Variants in NPAS3 observed in about 807,000 individuals in gnomAD.
The protein encoded by NPAS3 is neuronal PAS domain-containing protein 3.
Under a neutral mutation model 73.1 loss-of-function variants are expected in NPAS3, and 14 were observed. The observed-to-expected ratio is 0.19, with a 90% CI of 0.13 to 0.30. The LOEUF is 0.30. Ranked by LOEUF, NPAS3 falls within the 10% of genes least tolerant of loss-of-function variation. The pLI is 1.00. For synonymous variants in NPAS3, 620 were observed against 541.5 expected, an observed-to-expected ratio of 1.14 and a Z score of -2.01; for missense variants, 1,096 against 1,250.0, an observed-to-expected ratio of 0.88 and a Z score of 1.86.
intron 6 of NPAS3, among the ~76,000 whole-genome samples, chr14:33,716,661 CT>C (rs1446549507): frequency 6.6e-6 from 1 of 152,100 alleles, no homozygotes; most frequent in Non-Finnish European, 1.5e-5. Context: ...AATCTTTATT[CT>C]ACTTTCTTCC....
intron 4 of NPAS3, among the ~76,000 whole-genome samples, chr14:33,530,523 T>C (rs1237477567): frequency 6.6e-6 from 1 of 152,148 alleles, no homozygotes; most frequent in African/African-American, 2.4e-5. Flanking sequence ...TGGGCATTTT[T>C]GTATTTCAAA....
intron 7 of NPAS3, among the ~76,000 whole-genome samples, chr14:33,744,779 G>A (rs2061745686): frequency 6.6e-6 from 1 of 151,784 alleles, no homozygotes; most frequent in Admixed American, 6.6e-5. Flanking sequence ...AACAGAGTGA[G>A]ACCCCATCCC....
intron 2 of NPAS3, among the ~76,000 whole-genome samples, chr14:33,195,709 C>G (rs948080933): frequency 6.6e-6 from 1 of 152,188 alleles, no homozygotes; most frequent in African/African-American, 2.4e-5. Context: ...TCTAGGCTTT[C>G]CTTTCAAAGC....
intron 4 of NPAS3, among the ~76,000 whole-genome samples, chr14:33,478,968 A>G (rs553679221): frequency 3.3e-5 from 5 of 152,162 alleles, no homozygotes; most frequent in South Asian, 2.1e-4. Context: ...TTCATTGGCC[A>G]TAGTTATCAG....
intron 4 of NPAS3, among the ~76,000 whole-genome samples, chr14:33,446,454 C>T (rs1483016227): frequency 2.0e-5 from 3 of 152,222 alleles, no homozygotes; most frequent in Admixed American, 6.5e-5. Flanking sequence ...GGATTACAGG[C>T]GTGAGCCACC....
intron 1 of NPAS3, among the ~76,000 whole-genome samples, chr14:32,969,652 C>T (rs540504223): frequency 4.7e-4 from 71 of 152,252 alleles, no homozygotes; most frequent in African/African-American, 1.7e-3. Flanking sequence ...ACTAGAAGTA[C>T]TAGATTAGAA....
intron 1 of NPAS3, among the ~76,000 whole-genome samples, chr14:32,957,977 C>A (rs185588859): frequency 5.8e-4 from 88 of 152,136 alleles, no homozygotes; most frequent in African/African-American, 2.0e-3. Flanking sequence ...GTCCACCGCT[C>A]CAACTCAGTA....
At chr14:33,270,226 G>C (rs922288725) in intron 3 of NPAS3, among the ~76,000 whole-genome samples, 1 of 152,120 alleles carries the variant, frequency 6.6e-6, no homozygotes, top group East Asian at 1.9e-4. Flanking sequence ...CAGAGACTGA[G>C]AGTAATGCTT....
chr14:33,745,285 C>T (rs147473810), intron 7 of NPAS3, among the ~76,000 whole-genome samples: 9 of 152,116 alleles, frequency 5.9e-5, no homozygotes, highest in African/African-American at 1.7e-4. Context: ...ATGTGAAACA[C>T]GATAAAACAG....
chr14:33,183,320 G>A (rs1372469823), intron 2 of NPAS3, among the ~76,000 whole-genome samples: 2 of 151,788 alleles, frequency 1.3e-5, no homozygotes, highest in East Asian at 1.9e-4. Flanking sequence ...CAGCTACTTG[G>A]GGGGCTGAGG....
chr14:33,029,538 A>C (rs929106085), intron 1 of NPAS3, among the ~76,000 whole-genome samples: 1 of 152,154 alleles, frequency 6.6e-6, no homozygotes, highest in African/African-American at 2.4e-5. Context: ...GGGCTTAAAA[A>C]TATGATGTAT....
chr14:32,976,649 T>G (rs1182784171), intron 1 of NPAS3, among the ~76,000 whole-genome samples: 1 of 152,222 alleles, frequency 6.6e-6, no homozygotes, highest in African/African-American at 2.4e-5. Context: ...CTTAGTTGTT[T>G]TTCATTTAGG....
chr14:33,107,442 G>A (rs940069180), intron 2 of NPAS3, among the ~76,000 whole-genome samples: 10 of 151,690 alleles, frequency 6.6e-5, no homozygotes, highest in Admixed American at 3.9e-4. Flanking sequence ...AGTGTCTGTT[G>A]TTCCCATCTT....
At chr14:33,072,338 C>G (rs1163950895) in intron 2 of NPAS3, among the ~76,000 whole-genome samples, 2 of 152,224 alleles carry the variant, frequency 1.3e-5, no homozygotes, top group Non-Finnish European at 2.9e-5. Flanking sequence ...ATTTAGAAAA[C>G]AACTTCAGTT....
At chr14:33,508,884 C>T (rs1373788137) in intron 4 of NPAS3, among the ~76,000 whole-genome samples, 1 of 151,952 alleles carries the variant, frequency 6.6e-6, no homozygotes, top group African/African-American at 2.4e-5. Context: ...CACCCCTGAG[C>T]CTTCATCCCC....
chr14:33,064,210 C>CA (rs889887935), intron 2 of NPAS3, among the ~76,000 whole-genome samples: 102 of 151,840 alleles, frequency 6.7e-4, no homozygotes, highest in Admixed American at 2.0e-4. Flanking sequence ...TACATATTAT[C>CA]AAAAAAACTT....
intron 3 of NPAS3, among the ~76,000 whole-genome samples, chr14:33,282,762 G>C (rs1219131592): frequency 2.0e-5 from 3 of 152,134 alleles, no homozygotes; most frequent in African/African-American, 7.2e-5. Flanking sequence ...ACTGCAGCTG[G>C]GGGATGGGAA....
At chr14:33,188,020 A>C (rs1021326731) in intron 2 of NPAS3, among the ~76,000 whole-genome samples, 2 of 152,182 alleles carry the variant, frequency 1.3e-5, no homozygotes, top group African/African-American at 4.8e-5. Context: ...GAGGTTAAGT[A>C]ACTTGCCTAT....
intron 3 of NPAS3, among the ~76,000 whole-genome samples, chr14:33,317,668 T>C (rs1442254920): frequency 6.6e-6 from 1 of 152,044 alleles, no homozygotes; most frequent in Non-Finnish European, 1.5e-5. Context: ...CCTGCCACTG[T>C]GTGAAGAAGG....
Sources: gnomAD v4.1 joint callset for allele counts (sites outside exome capture counted in the v4.1 genomes callset) on GRCh38, gnomAD v4.1.1 for gene constraint, MANE v1.5 for transcripts, NCBI Gene and HGNC (gene_info 2026-07-23, HGNC 2026-07-21) for gene names.